The following XXYLT1 variants were observed in gnomAD, a reference collection of about 807,000 sequenced individuals.
XXYLT1 encodes xyloside xylosyltransferase 1, also known as UDP-xylose:alpha-xyloside alpha-1,3-xylosyltransferase.
In XXYLT1, 20 loss-of-function variants were observed where a neutral mutation model predicts 28.9. The observed-to-expected ratio is 0.69, with a 90% CI of 0.49 to 1.00. The LOEUF (loss-of-function observed/expected upper bound fraction) is 1.00. Among genes scored for constraint, XXYLT1 ranks in the 50% least tolerant of loss-of-function variants. The probability of loss-of-function intolerance (pLI) is 0.00; values close to 1 mark genes in which losing one functional copy is unlikely to be tolerated. For synonymous variants in XXYLT1, 257 were observed against 253.8 expected (o/e 1.01, Z -0.12); for missense variants, 542 against 560.1 (o/e 0.97, Z 0.33).
intron 3 of XXYLT1, among the ~76,000 whole-genome samples, chr3:195,088,227 G>A (rs950977250): frequency 2.0e-5 from 3 of 151,476 alleles, no homozygotes; most frequent in Non-Finnish European, 2.9e-5. Context: ...CCACCTCTGG[G>A]GGCAGGGCAC....
chr3:195,178,796 C>A (rs946409780), intron 2 of XXYLT1, among the ~76,000 whole-genome samples: 1 of 152,152 alleles, frequency 6.6e-6, no homozygotes, highest in African/African-American at 2.4e-5. Flanking sequence ...ATGGGGAAGC[C>A]GGGACTGTTT....
intron 2 of XXYLT1, among the ~76,000 whole-genome samples, chr3:195,201,906 C>T (rs761465974): frequency 8.5e-5 from 13 of 152,256 alleles, no homozygotes; most frequent in Middle Eastern, 3.4e-3. Flanking sequence ...GGGCCGGGCG[C>T]GGTGGCTCAC....
Position 195,256,166 on chromosome 3 carries a change from A to G in XXYLT1, c.504+14389T>C, listed in dbSNP as rs1725470442. On this transcript the variant is annotated intron_variant, in intron 1 of 3. Transcript: ENST00000310380. This position sits in a 1 kb window ranked among gnomAD's most constrained non-coding sequence, Gnocchi z 4.2. ...ACAGGCATCGGGCAGAGTGCTGAAG[A>G]ATCAGCAAGCCGGACTCCAATCATG... Among the ~76,000 whole-genome samples, 3 of 152,210 alleles carry G rather than the reference A, an allele frequency of 2.0e-5. No individual in the cohort carries two copies. The highest frequency in any genetic ancestry group is 7.2e-5 in the African/African-American group (3 of 41,448).
intron 3 of XXYLT1, among the ~76,000 whole-genome samples, chr3:195,106,203 T>A (rs1219493008): frequency 6.6e-6 from 1 of 152,216 alleles, no homozygotes; most frequent in Non-Finnish European, 1.5e-5. Flanking sequence ...ACACTGCCAT[T>A]CTGTCATTCA....
chr3:195,113,176 T>G (rs1351662684), intron 3 of XXYLT1, among the ~76,000 whole-genome samples: 1 of 152,184 alleles, frequency 6.6e-6, no homozygotes, highest in Non-Finnish European at 1.5e-5. Flanking sequence ...TTCCCGTCTT[T>G]TCTCCCTTCC....
At chr3:195,246,972 A>G (rs892439576) in intron 1 of XXYLT1, among the ~76,000 whole-genome samples, 4 of 152,096 alleles carry the variant, frequency 2.6e-5, no homozygotes, top group African/African-American at 9.7e-5. Context: ...GTCACTCACC[A>G]TCTGTTTTTG....
rs1714669837 is a variant in XXYLT1, at chr3:195,069,469, C to T, written c.*246G>A. 7.9e-6 allele frequency: 4 copies of T among 505,812 alleles called. No individual in the cohort carries two copies. Among genetic ancestry groups the T allele is most frequent in the Non-Finnish European group, 6.9e-6 (2 of 290,000 alleles). 31.3% of individuals were successfully genotyped at this position (505,812 alleles called of 1,614,324 possible). A position where few individuals can be genotyped will look rare whatever the true frequency, so the allele number is the denominator to read the frequency against. On this transcript the variant is annotated 3_prime_UTR_variant, in exon 4 of 4. Coordinates refer to ENST00000310380, the MANE Select transcript of XXYLT1 (RefSeq NM_152531.5). The stretch of plus-strand genomic sequence containing the variant: ...AGTGCTTGCTTCCCAGCCCACTGGA[C>T]ATGCGTGTCCTTTGTGTCGCCTGCT...
At position 195,257,587 on chromosome 3, in the gene XXYLT1, G is replaced by A. The variant is rs1560179274; in HGVS notation, c.504+12968C>T. On this transcript the variant is annotated intron_variant, in intron 1 of 3. Transcript: ENST00000310380. The surrounding 1 kb of genome is among the most constrained non-coding windows in gnomAD (Gnocchi z 4.3). ...ACCACAACCCCAGGCAGTCCAGCCAGGTGGATCACCATGGCAGCCAGGTAC... is the reference window on the plus strand; with the variant it reads ...ACCACAACCCCAGGCAGTCCAGCCAAGTGGATCACCATGGCAGCCAGGTAC... Among the ~76,000 whole-genome samples, 1 of 152,190 alleles carries A rather than the reference G, an allele frequency of 6.6e-6. No individual in the cohort carries two copies.
At chr3:195,270,371 C>A in intron 1 of XXYLT1, 184 bp downstream of exon 1, 1 of 934,454 alleles carries the variant, frequency 1.1e-6, no homozygotes, top group Non-Finnish European at 1.3e-6. Flanking sequence ...CAGCTGAGGG[C>A]GTCTGGCTCC....
chr3:195,156,447 A>C lies in XXYLT1; in HGVS notation c.785+2T>G. On this transcript the variant is annotated splice_donor_variant, in intron 3 of 3. Transcript: ENST00000310380. LOFTEE classifies it high-confidence loss of function. ...GGCGGCCCCCCTGCAGTCATGACGCACCTGTAAACTGGCTGCATCTCCCGG... is the reference window on the plus strand; with the variant it reads ...GGCGGCCCCCCTGCAGTCATGACGCCCCTGTAAACTGGCTGCATCTCCCGG... 2.5e-6 allele frequency: 4 copies of C among 1,613,710 alleles called. No individual in the cohort carries two copies. Among genetic ancestry groups the C allele is most frequent in the Non-Finnish European group, 3.4e-6 (4 of 1,179,888 alleles).
intron 2 of XXYLT1, 127 bp downstream of exon 2, chr3:195,226,582 C>T: frequency 7.8e-7 from 1 of 1,276,440 alleles, no homozygotes; most frequent in Non-Finnish European, 1.1e-6. Context: ...GTCTGGCTCC[C>T]TCGTCCACTC....
chr3:195,266,875 AT>A (rs770615549), intron 1 of XXYLT1, among the ~76,000 whole-genome samples: 9 of 152,228 alleles, frequency 5.9e-5, no homozygotes, highest in Admixed American at 1.3e-4. Flanking sequence ...CATTTAGAAA[AT>A]GGACTTACTG....
intron 1 of XXYLT1, among the ~76,000 whole-genome samples, chr3:195,229,233 CTT>C (rs1347623048): frequency 6.6e-6 from 1 of 151,888 alleles, no homozygotes; most frequent in African/African-American, 2.4e-5. Context: ...TTTAGAAAAA[CTT>C]TGTTACTATT....
At chr3:195,252,166 G>A (rs1028080299) in intron 1 of XXYLT1, among the ~76,000 whole-genome samples, 1 of 152,084 alleles carries the variant, frequency 6.6e-6, no homozygotes, top group East Asian at 1.9e-4. Context: ...ATACAAAGCA[G>A]TAATACATAT....
intron 2 of XXYLT1, among the ~76,000 whole-genome samples, chr3:195,158,403 C>T (rs1720712596): frequency 6.6e-6 from 1 of 152,242 alleles, no homozygotes; most frequent in Admixed American, 6.5e-5. Context: ...TCTGGATGAG[C>T]ATCTTCATCT....
rs138592717 is a variant in XXYLT1, at chr3:195,251,555, C to T, written c.504+19000G>A. On this transcript the variant is annotated intron_variant, in intron 1 of 3. Coordinates refer to ENST00000310380, the MANE Select transcript of XXYLT1 (RefSeq NM_152531.5). ...GGGCTGCTCCGCCTGCAGCTGGAGG[C>T]ACCCTCCTCTCTACCCTCCACAGAG... Among the ~76,000 whole-genome samples the T allele has an allele frequency of 7.0e-3, 1,070 of 152,322 alleles. 5 individuals are homozygous for T. Among genetic ancestry groups the T allele is most frequent in the Middle Eastern group, 0.014 (4 of 294 alleles).
At chr3:195,191,156 C>T (rs1347197366) in intron 2 of XXYLT1, among the ~76,000 whole-genome samples, 1 of 152,140 alleles carries the variant, frequency 6.6e-6, no homozygotes, top group East Asian at 1.9e-4. Flanking sequence ...TTGAACAATA[C>T]AACTTTGAAC....
At chr3:195,100,275 C>G (rs6792778) in intron 3 of XXYLT1, among the ~76,000 whole-genome samples, 19,434 of 152,148 alleles carry the variant, frequency 0.13, 2,770 homozygotes, top group African/African-American at 0.35. Context: ...CTCCGAATCT[C>G]CTGCCTCCAC....
At chr3:195,179,973 C>T (rs963336461) in intron 2 of XXYLT1, among the ~76,000 whole-genome samples, 1 of 152,182 alleles carries the variant, frequency 6.6e-6, no homozygotes, top group Non-Finnish European at 1.5e-5. Context: ...CCCACTGTCT[C>T]CCCCAACACA....
Sources: allele counts gnomAD v4.1 joint callset (sites outside exome capture counted in the v4.1 genomes callset), GRCh38; gene constraint gnomAD v4.1.1; non-coding constraint Gnocchi (gnomAD v3.1); transcripts MANE v1.5; gene names NCBI Gene and HGNC (gene_info 2026-07-23, HGNC 2026-07-21).